LRRC7: variants seen among roughly 807,000 people sequenced by gnomAD.
LRRC7 encodes leucine-rich repeat-containing protein 7.
In LRRC7, 23 loss-of-function variants were observed where a neutral mutation model predicts 175.7. That is an observed-to-expected ratio of 0.13 (90% CI 0.09 to 0.19). The LOEUF is 0.19. Ranked by LOEUF, LRRC7 falls within the 10% of genes least tolerant of loss-of-function variation. The probability of loss-of-function intolerance (pLI) is 1.00; values close to 1 mark genes in which losing one functional copy is unlikely to be tolerated. For synonymous variants in LRRC7, 685 were observed against 680.9 expected (o/e 1.01, Z -0.09); for missense variants, 1,354 against 1,904.7 (o/e 0.71, Z 5.38).
Position 69,999,429 on chromosome 1 carries a change from T to C in LRRC7, c.1004+4796T>C, listed in dbSNP as rs573118873. Among the ~76,000 whole-genome samples, 8 of 152,302 alleles carry C rather than the reference T, an allele frequency of 5.3e-5. No homozygotes were observed. In the South Asian group the frequency reaches 6.2e-4, roughly 12 times the overall value. On this transcript the variant is annotated intron_variant, in intron 11 of 26. Transcript: ENST00000651989. ...CCACAAAGCCAGAAAAAAATACTTA[T>C]GTTTGGTGACAGAAGCAGTATTTCA...
intron 24 of LRRC7, among the ~76,000 whole-genome samples, chr1:70,087,626 G>C (rs112939085): frequency 6.6e-6 from 1 of 152,028 alleles, no homozygotes; most frequent in Non-Finnish European, 1.5e-5. Flanking sequence ...ATTATAAACT[G>C]TAAATTCTAC....
At chr1:69,614,999 T>A (rs528002635) in intron 1 of LRRC7, among the ~76,000 whole-genome samples, 4 of 152,168 alleles carry the variant, frequency 2.6e-5, no homozygotes, top group African/African-American at 9.6e-5. Context: ...TTTCTTCTAC[T>A]TTTTCCATCT....
chr1:69,819,077 C>T (rs1238415070), intron 4 of LRRC7, among the ~76,000 whole-genome samples: 1 of 151,996 alleles, frequency 6.6e-6, no homozygotes, highest in Non-Finnish European at 1.5e-5. Flanking sequence ...TCTTTTGTCA[C>T]TGCTTCATTT....
At chr1:69,949,261 G>C (rs1172234967) in intron 8 of LRRC7, among the ~76,000 whole-genome samples, 2 of 152,080 alleles carry the variant, frequency 1.3e-5, no homozygotes, top group Non-Finnish European at 2.9e-5. Context: ...TTACATGTAT[G>C]TGCATCTTTT....
intron 7 of LRRC7, among the ~76,000 whole-genome samples, chr1:69,894,167 G>A (rs944530623): frequency 2.0e-4 from 30 of 152,134 alleles, no homozygotes; most frequent in Admixed American, 1.4e-3. Flanking sequence ...TATTTATTGA[G>A]CTCTAAATTC....
intron 2 of LRRC7, among the ~76,000 whole-genome samples, chr1:69,726,260 T>C (rs1323411738): frequency 6.6e-6 from 1 of 152,194 alleles, no homozygotes; most frequent in Non-Finnish European, 1.5e-5. Flanking sequence ...TGAAGGGCCA[T>C]TCTATTTCTA....
intron 2 of LRRC7, among the ~76,000 whole-genome samples, chr1:69,719,193 C>T (rs752674897): frequency 6.6e-6 from 1 of 151,676 alleles, no homozygotes; most frequent in Non-Finnish European, 1.5e-5. Context: ...CTTATTCCAT[C>T]TAATAATCGC....
At chr1:69,732,257 A>C (rs1458770842) in intron 2 of LRRC7, among the ~76,000 whole-genome samples, 1 of 152,080 alleles carries the variant, frequency 6.6e-6, no homozygotes, top group East Asian at 1.9e-4. Context: ...ACTTAATACT[A>C]GGGCAAAAAA....
intron 10 of LRRC7, among the ~76,000 whole-genome samples, chr1:69,993,082 A>G (rs965599912): frequency 6.6e-6 from 1 of 152,174 alleles, no homozygotes; most frequent in African/African-American, 2.4e-5. Context: ...ACAACTCAAA[A>G]ACAAGCTCAG....
In LRRC7 at chr1:70,138,374, A is replaced by T. The variant is rs1195234128; in HGVS notation, c.*16487A>T. The T allele has an allele frequency of 1.3e-5, 2 of 152,226 alleles. No individual in the cohort carries two copies. Among genetic ancestry groups the T allele is most frequent in the Non-Finnish European group, 2.9e-5 (2 of 68,038 alleles). The allele number at this position is 152,226 out of a possible 1,614,324, so 9.4% of individuals were successfully genotyped here. A position where few individuals can be genotyped will look rare whatever the true frequency, so the allele number is the denominator to read the frequency against. On this transcript the variant is annotated 3_prime_UTR_variant, in exon 27 of 27. Transcript: ENST00000651989. The stretch of plus-strand genomic sequence containing the variant: ...AAAAAGATCAGTTCTGTAAAGCATA[A>T]TGCCTACTACACAGACATCATTATT...
Position 69,674,527 on chromosome 1 carries a change from G to T in LRRC7, c.3-3854G>T, listed in dbSNP as rs1365072560. On this transcript the variant is annotated intron_variant, in intron 1 of 26. Transcript: ENST00000651989. ...ACAAAATATTTTAATTGTTTCTAAG[G>T]TCCAAGGTAACTATAAAATTTTGAA... Among the ~76,000 whole-genome samples, 4 of 152,102 alleles carry T rather than the reference G, an allele frequency of 2.6e-5. No individual in the cohort carries two copies. In the East Asian group the frequency reaches 7.7e-4, roughly 29 times the overall value.
chr1:69,719,836 A>G (rs1361722115), intron 2 of LRRC7, among the ~76,000 whole-genome samples: 2 of 151,686 alleles, frequency 1.3e-5, no homozygotes, highest in African/African-American at 2.4e-5. Flanking sequence ...TACATTATTT[A>G]TGGATTGATC....
intron 1 of LRRC7, among the ~76,000 whole-genome samples, chr1:69,674,593 A>G (rs1332257244): frequency 2.0e-5 from 3 of 152,156 alleles, no homozygotes; most frequent in Non-Finnish European, 4.4e-5. Context: ...ATTTTCTAGA[A>G]CTTTAGTTAA....
chr1:69,828,510 T>C (rs1680180409), intron 5 of LRRC7, among the ~76,000 whole-genome samples: 1 of 152,190 alleles, frequency 6.6e-6, no homozygotes, highest in Non-Finnish European at 1.5e-5. Context: ...CTTTAATTTA[T>C]ATTTCTAATG....
At chr1:69,912,355 A>G (rs1646557945) in intron 7 of LRRC7, among the ~76,000 whole-genome samples, 1 of 152,240 alleles carries the variant, frequency 6.6e-6, no homozygotes, top group Admixed American at 6.5e-5. Flanking sequence ...GTTATCTACA[A>G]GAGTTTTAAA....
chr1:69,881,335 A>C (rs541983437), intron 7 of LRRC7, among the ~76,000 whole-genome samples: 2 of 152,368 alleles, frequency 1.3e-5, no homozygotes, highest in African/African-American at 4.8e-5. Context: ...CTATAAAAAT[A>C]TGAAACTATT....
intron 7 of LRRC7, among the ~76,000 whole-genome samples, chr1:69,925,048 T>A (rs1030117346): frequency 1.1e-4 from 16 of 152,220 alleles, no homozygotes; most frequent in Non-Finnish European, 2.4e-4. Flanking sequence ...TCTGCATCTG[T>A]TGAGATAATC....
intron 1 of LRRC7, among the ~76,000 whole-genome samples, chr1:69,578,205 T>C (rs2100904572): frequency 6.6e-6 from 1 of 151,564 alleles, no homozygotes; most frequent in East Asian, 1.9e-4. Flanking sequence ...TCACCATCAC[T>C]GGCCATCAGA....
chr1:70,087,821 C>CACA (rs1343653106), intron 24 of LRRC7, among the ~76,000 whole-genome samples: 1 of 152,092 alleles, frequency 6.6e-6, no homozygotes, highest in African/African-American at 2.4e-5. Context: ...TGCCAGTAAA[C>CACA]TATCTAATAT....
Sources: gnomAD v4.1 joint callset for allele counts (sites outside exome capture counted in the v4.1 genomes callset) on GRCh38, gnomAD v4.1.1 for gene constraint, MANE v1.5 for transcripts, NCBI Gene and HGNC (gene_info 2026-07-23, HGNC 2026-07-21) for gene names.